Variants in NAALADL2 observed in about 807,000 individuals in gnomAD.
NAALADL2 encodes the protein inactive N-acetylated-alpha-linked acidic dipeptidase-like protein 2.
Under a neutral mutation model 87.2 loss-of-function variants are expected in NAALADL2, and 76 were observed. The observed-to-expected ratio is 0.87, with a 90% CI of 0.72 to 1.05. NAALADL2 has a LOEUF of 1.05. NAALADL2 is among the 50% of genes least tolerant of loss of function. NAALADL2 has a pLI of 0.00. For missense variants in NAALADL2, 1,089 were observed against 945.8 expected (o/e 1.15, Z -1.99); for synonymous variants, 354 against 331.0 (o/e 1.07, Z -0.75).
At chr3:175,482,631 C>G (rs1190564377) in intron 9 of NAALADL2, among the ~76,000 whole-genome samples, 2 of 151,852 alleles carry the variant, frequency 1.3e-5, no homozygotes, top group Non-Finnish European at 2.9e-5. Flanking sequence ...CATACAGACC[C>G]ATTGCTTCAT....
At chr3:175,057,815 T>C (rs893938693) in intron 1 of NAALADL2, among the ~76,000 whole-genome samples, 2 of 152,204 alleles carry the variant, frequency 1.3e-5, no homozygotes, top group Non-Finnish European at 2.9e-5. Flanking sequence ...CCATAGTTAA[T>C]TGAGACACTA....
intron 11 of NAALADL2, among the ~76,000 whole-genome samples, chr3:175,690,197 A>C (rs538795206): frequency 5.3e-5 from 8 of 152,098 alleles, no homozygotes; most frequent in African/African-American, 1.9e-4. Flanking sequence ...TATTGGGCCA[A>C]ATTAAAAATG....
intron 2 of NAALADL2, among the ~76,000 whole-genome samples, chr3:174,654,449 G>A (rs1192824367): frequency 1.3e-5 from 2 of 152,026 alleles, no homozygotes; most frequent in Admixed American, 6.5e-5. Flanking sequence ...GACATTACTA[G>A]GGAGTTTTCT....
intron 4 of NAALADL2, chr3:175,271,245 C>G (rs1292896989): frequency 6.6e-6 from 1 of 151,956 alleles, no homozygotes; most frequent in Non-Finnish European, 1.5e-5. Flanking sequence ...AATTTTTTCC[C>G]AAGCATTGTT....
chr3:175,039,046 C>T (rs1291586476), intron 1 of NAALADL2, among the ~76,000 whole-genome samples: 1 of 151,928 alleles, frequency 6.6e-6, no homozygotes, highest in Non-Finnish European at 1.5e-5. Context: ...AGGAGTAGCA[C>T]CCCCCTTTTA....
intron 2 of NAALADL2, among the ~76,000 whole-genome samples, chr3:175,147,185 A>T (rs1730872752): frequency 6.6e-6 from 1 of 152,164 alleles, no homozygotes; most frequent in Non-Finnish European, 1.5e-5. Flanking sequence ...AGTACCTGTC[A>T]CCCAGGTAGT....
rs147594392 is a variant in NAALADL2, at chr3:174,913,832, C to A, written c.43+54382C>A. 3.3e-5 allele frequency among the ~76,000 whole-genome samples: 5 copies of A among 151,998 alleles called. No homozygotes were observed. The East Asian group carries it at 9.7e-4, about 29-fold the overall frequency. ...TATTGAAAATTTTAAATTATCATTA[C>A]TATTCTTAATATGTCCCAATACAAT... is the stretch of plus-strand genomic sequence containing the variant. On this transcript the variant is annotated intron_variant, in intron 1 of 13. Transcript: ENST00000454872.
chr3:175,346,535 G>A (rs1763176052), intron 5 of NAALADL2, among the ~76,000 whole-genome samples: 1 of 152,022 alleles, frequency 6.6e-6, no homozygotes, highest in South Asian at 2.1e-4. Flanking sequence ...GTGAAAATTA[G>A]GGTTTGACTT....
intron 2 of NAALADL2, among the ~76,000 whole-genome samples, chr3:174,604,787 G>C (rs1265752171): frequency 1.8e-5 from 2 of 112,080 alleles, no homozygotes; most frequent in African/African-American, 3.5e-5. Context: ...TTTTTTTTTT[G>C]AGATGGAATC....
intron 2 of NAALADL2, among the ~76,000 whole-genome samples, chr3:174,620,021 G>A (rs369562770): frequency 3.3e-5 from 5 of 151,962 alleles, no homozygotes; most frequent in Admixed American, 1.3e-4. Flanking sequence ...TCTAAAAAGC[G>A]ATAGAGCCCA....
At chr3:175,792,203 G>T (rs1487613983) in intron 13 of NAALADL2, among the ~76,000 whole-genome samples, 1 of 152,132 alleles carries the variant, frequency 6.6e-6, no homozygotes, top group African/African-American at 2.4e-5. Flanking sequence ...AATTTACTCA[G>T]CTAAGAAAAA....
chr3:175,306,516 T>C (rs1757742358), intron 4 of NAALADL2, among the ~76,000 whole-genome samples: 2 of 152,074 alleles, frequency 1.3e-5, no homozygotes, highest in Non-Finnish European at 1.5e-5. Flanking sequence ...TGTTCTTATA[T>C]AAAAATCCAA....
intron 1 of NAALADL2, among the ~76,000 whole-genome samples, chr3:174,527,519 C>CAA (rs1339853258): frequency 2.2e-5 from 2 of 91,194 alleles, no homozygotes; most frequent in Non-Finnish European, 2.3e-5. Flanking sequence ...AACTCCATCT[C>CAA]AAAAAAAAAA....
chr3:175,591,820 ATATATATG>A (rs1721522048), intron 10 of NAALADL2, among the ~76,000 whole-genome samples: 1 of 90,578 alleles, frequency 1.1e-5, no homozygotes, highest in African/African-American at 3.6e-5. Flanking sequence ...ATATATATAT[ATATATATG>A]TATGAAAATG....
intron 11 of NAALADL2, among the ~76,000 whole-genome samples, chr3:175,711,205 A>G (rs1740488229): frequency 6.6e-6 from 1 of 151,884 alleles, no homozygotes; most frequent in South Asian, 2.1e-4. Context: ...ATTTTAATTA[A>G]GGGTGCTTGA....
chr3:175,572,266 C>G (rs1369414338), intron 9 of NAALADL2, among the ~76,000 whole-genome samples: 1 of 152,110 alleles, frequency 6.6e-6, no homozygotes, highest in African/African-American at 2.4e-5. Context: ...TCACTCAACC[C>G]TCTTTTTCTA....
intron 1 of NAALADL2, among the ~76,000 whole-genome samples, chr3:175,051,414 C>T (rs1400832962): frequency 1.3e-5 from 2 of 152,080 alleles, no homozygotes; most frequent in Non-Finnish European, 2.9e-5. Flanking sequence ...CTGCATTTCT[C>T]TCCAGAGCTC....
chr3:174,713,430 A>C (rs913984058), intron 2 of NAALADL2, among the ~76,000 whole-genome samples: 5 of 152,098 alleles, frequency 3.3e-5, no homozygotes, highest in African/African-American at 1.2e-4. Flanking sequence ...ACAGTGTAAA[A>C]GTGTTCCTAT....
At chr3:175,484,727 G>A (rs140353215) in intron 9 of NAALADL2, among the ~76,000 whole-genome samples, 4 of 152,202 alleles carry the variant, frequency 2.6e-5, no homozygotes, top group Non-Finnish European at 4.4e-5. Flanking sequence ...TGTAGTTAAC[G>A]ACTGCATTAT....
Sources: gnomAD v4.1 joint callset for allele counts (sites outside exome capture counted in the v4.1 genomes callset) on GRCh38, gnomAD v4.1.1 for gene constraint, MANE v1.5 for transcripts, NCBI Gene and HGNC (gene_info 2026-07-23, HGNC 2026-07-21) for gene names.